Variants in SYNE1 observed in about 807,000 individuals in gnomAD.
The protein encoded by SYNE1 is spectrin repeat containing nuclear envelope protein 1, also known as nesprin-1.
A neutral mutation model predicts 1,111.0 loss-of-function variants in SYNE1; 616 were observed. The observed-to-expected ratio is 0.55, with a 90% CI of 0.52 to 0.59. The LOEUF is 0.59. Among genes scored for constraint, SYNE1 ranks in the 20% least tolerant of loss-of-function variants. The pLI, the probability that SYNE1 is intolerant of heterozygous loss-of-function variation, is 0.00. For missense variants in SYNE1, 10,006 were observed against 10,417.0 expected, an observed-to-expected ratio of 0.96 and a Z score of 1.72; for synonymous variants, 3,855 against 3,825.8, an observed-to-expected ratio of 1.01 and a Z score of -0.28.
chr6:152,203,953 T>A (rs923095665), intron 126 of SYNE1, among the ~76,000 whole-genome samples: 1 of 152,154 alleles, frequency 6.6e-6, no homozygotes, highest in Admixed American at 6.6e-5. Context: ...ATGCTAACCA[T>A]AGTGAGGGTA....
chr6:152,353,293 T>C lies in SYNE1; in HGVS notation c.11223A>G (p.Val3741=). ...VATKIDKVDT[V]MMGKKLKTLE... Reference sequence around the variant, plus strand: ...ACGTCTTCAATTTCTTCCCCATCATTACTGTATCTACTTTGTCAATCTTGG... The same window carrying C: ...ACGTCTTCAATTTCTTCCCCATCATCACTGTATCTACTTTGTCAATCTTGG... The change falls in exon 69 of 146, where the codon GTA becomes GTG. Residue 3741 remains valine (V), a synonymous_variant. Coordinates refer to ENST00000367255, the MANE Select transcript of SYNE1 (RefSeq NM_182961.4). 2 of 1,614,220 alleles carry C rather than the reference T, an allele frequency of 1.2e-6. No individual in the cohort carries two copies. The highest frequency in any genetic ancestry group is 2.2e-5 in the East Asian group (1 of 44,888).
At chr6:152,355,632 T>C (rs1187038101) in intron 66 of SYNE1, among the ~76,000 whole-genome samples, 1 of 19,964 alleles carries the variant, frequency 5.0e-5, no homozygotes, top group African/African-American at 1.3e-4. Context: ...GCATATGCTA[T>C]TTTTTATAGG....
At position 152,444,301 on chromosome 6, in the gene SYNE1, T is replaced by C. The variant is rs12526177; in HGVS notation, c.3837+110A>G. 8.8e-4 allele frequency: 1,096 copies of C among 1,243,846 alleles called. 7 individuals carry two copies. The African/African-American group carries it at 9.6e-3, about 11-fold the overall frequency. 77.1% of individuals were successfully genotyped at this position (1,243,846 alleles called of 1,614,324 possible). ...TTAGCCATTCAACTCTTCCTTCCCATGCCCCCTCACCCACTCTCTCAAGCC... is the reference window on the plus strand; with the variant it reads ...TTAGCCATTCAACTCTTCCTTCCCACGCCCCCTCACCCACTCTCTCAAGCC... On this transcript the variant is annotated intron_variant, in intron 30 of 145. Transcript: ENST00000367255.
intron 62 of SYNE1, among the ~76,000 whole-genome samples, chr6:152,366,114 C>T (rs973960387): frequency 2.0e-5 from 3 of 152,148 alleles, no homozygotes; most frequent in Admixed American, 2.0e-4. Flanking sequence ...GGGCAGGTCA[C>T]CTGAGGTCGG....
intron 3 of SYNE1, among the ~76,000 whole-genome samples, chr6:152,572,546 A>T (rs1443346727): frequency 6.6e-6 from 1 of 152,192 alleles, no homozygotes; most frequent in Non-Finnish European, 1.5e-5. Flanking sequence ...TGGATTAGGA[A>T]ACAGCTCCAG....
At position 152,463,533 on chromosome 6, in the gene SYNE1, T is replaced by C; in HGVS notation, c.1933-16A>G. ...GAAAAAAATCCTAAACAATAAATAA[T>C]GCACAATATCATAAACCATAAACCA... On this transcript the variant is annotated splice_polypyrimidine_tract_variant and intron_variant, in intron 18 of 145. Coordinates refer to ENST00000367255, the MANE Select transcript of SYNE1 (RefSeq NM_182961.4). 1.3e-6 allele frequency: 2 copies of C among 1,598,850 alleles called. No individual in the cohort carries two copies. Among genetic ancestry groups the C allele is most frequent in the South Asian group, 2.2e-5 (2 of 90,324 alleles).
At chr6:152,231,282 T>G (rs1027334694) in intron 114 of SYNE1, 109 bp downstream of exon 114, 3 of 1,189,380 alleles carry the variant, frequency 2.5e-6, no homozygotes, top group Admixed American at 1.7e-5. Flanking sequence ...ATTGGAAGCG[T>G]TCTTTGCCCA....
Position 152,325,361 on chromosome 6 carries a change from A to G in SYNE1, c.15439-59T>C. The G allele has an allele frequency of 7.7e-6, 12 of 1,556,650 alleles. No individual in the cohort carries two copies. In the South Asian group the frequency reaches 1.2e-4, roughly 16 times the overall value. ...ACAAGGGAGAGATCAATTTAATTTT[A>G]TAAAGTTCTATGGATCTTGGTAAAG... On this transcript the variant is annotated intron_variant, in intron 80 of 145. Transcript: ENST00000367255.
At chr6:152,300,511 C>G in intron 93 of SYNE1, 130 bp downstream of exon 93, 1 of 1,301,128 alleles carries the variant, frequency 7.7e-7, no homozygotes, top group Non-Finnish European at 1.1e-6. Flanking sequence ...AACTATAACA[C>G]CTAATAGTGT....
intron 3 of SYNE1, among the ~76,000 whole-genome samples, chr6:152,545,554 T>C (rs776925412): frequency 3.3e-4 from 51 of 152,290 alleles, no homozygotes; most frequent in Admixed American, 1.4e-3. Context: ...CACTTCAGCC[T>C]GGGTGACAGA....
intron 86 of SYNE1, among the ~76,000 whole-genome samples, chr6:152,317,337 C>T (rs2095755898): frequency 6.6e-6 from 1 of 151,414 alleles, no homozygotes; most frequent in Non-Finnish European, 1.5e-5. Flanking sequence ...CCTCCCACCT[C>T]AGCCTCCCAC....
At chr6:152,342,625 TA>T (rs1479767985) in intron 74 of SYNE1, among the ~76,000 whole-genome samples, 1 of 152,224 alleles carries the variant, frequency 6.6e-6, no homozygotes, top group Non-Finnish European at 1.5e-5. Flanking sequence ...TAATTTGTGC[TA>T]AAAAATTAAA....
chr6:152,211,410 T>C (rs889006340), intron 124 of SYNE1, 84 bp downstream of exon 124: 2 of 1,128,242 alleles, frequency 1.8e-6, no homozygotes, highest in Non-Finnish European at 2.7e-6. Context: ...GAAGATTGGA[T>C]ATATGCCCTC....
intron 33 of SYNE1, 118 bp downstream of exon 33, chr6:152,435,823 A>G: frequency 1.6e-6 from 2 of 1,287,692 alleles, no homozygotes; most frequent in Non-Finnish European, 2.2e-6. Flanking sequence ...TCCTCAAAAC[A>G]TGCTGAAATA....
chr6:152,350,481 T>C (rs1478052595), intron 71 of SYNE1, 137 bp downstream of exon 71: 4 of 1,462,716 alleles, frequency 2.7e-6, no homozygotes, highest in Non-Finnish European at 3.8e-6. Context: ...ATAGTCATTA[T>C]GCCAATTAAA....
chr6:152,230,370 AC>A (rs369214542), intron 115 of SYNE1, among the ~76,000 whole-genome samples, 176 bp downstream of exon 115: 127 of 152,320 alleles, frequency 8.3e-4, no homozygotes, highest in African/African-American at 2.9e-3. Context: ...AGTGAAAAAA[AC>A]CTAATGTATT....
At chr6:152,227,040 C>A (rs62428338) in intron 115 of SYNE1, among the ~76,000 whole-genome samples, 10,070 of 152,210 alleles carry the variant, frequency 0.066, 457 homozygotes, top group Non-Finnish European at 0.095. Context: ...ATGATCCATA[C>A]ATGAGTAATA....
chr6:152,443,616 G>T (rs1200158639), intron 30 of SYNE1, among the ~76,000 whole-genome samples: 1 of 151,756 alleles, frequency 6.6e-6, no homozygotes, highest in African/African-American at 2.4e-5. Context: ...CTGAAGGCTG[G>T]GATTTTAAAC....
intron 22 of SYNE1, among the ~76,000 whole-genome samples, chr6:152,458,021 A>G (rs1047622392): frequency 2.0e-4 from 31 of 151,684 alleles, no homozygotes; most frequent in African/African-American, 6.0e-4. Context: ...TATGTAATGT[A>G]GAGACAGGAT....
Sources: gnomAD v4.1 joint callset for allele counts (sites outside exome capture counted in the v4.1 genomes callset) on GRCh38, gnomAD v4.1.1 for gene constraint, MANE v1.5 for transcripts, NCBI Gene and HGNC (gene_info 2026-07-23, HGNC 2026-07-21) for gene names.